The following GALNT13 variants were observed in gnomAD, a reference collection of about 807,000 sequenced individuals.
The protein encoded by GALNT13 is UDP-GalNAc:polypeptide N-acetylgalactosaminyltransferase 13.
GALNT13 carries 28 observed loss-of-function variants against 64.2 expected under a neutral mutation model. The observed-to-expected ratio is 0.44, with a 90% confidence interval of 0.32 to 0.60. The LOEUF (loss-of-function observed/expected upper bound fraction) is 0.60, where lower values mean the gene tolerates loss of function less well. Among genes scored for constraint, GALNT13 ranks in the 20% least tolerant of loss-of-function variants. The pLI is 0.05. For synonymous variants in GALNT13, 214 were observed against 224.6 expected (o/e 0.95, Z 0.42); for missense variants, 577 against 669.8 (o/e 0.86, Z 1.53).
At chr2:153,874,011 ATTACACGCATCCTTTCCT>A (rs1558827736) in intron 1 of GALNT13, among the ~76,000 whole-genome samples, 1 of 151,362 alleles carries the variant, frequency 6.6e-6, no homozygotes, top group Non-Finnish European at 1.5e-5. Context: ...TTCTCCTTGT[ATTACACGCATCCTTTCCT>A]TTTCCTCAAA....
intron 2 of GALNT13, among the ~76,000 whole-genome samples, chr2:153,910,923 A>G (rs1379247461): frequency 6.6e-6 from 1 of 152,188 alleles, no homozygotes; most frequent in African/African-American, 2.4e-5. Flanking sequence ...AGAGTCCTAT[A>G]GGTATCTATC....
chr2:153,136,652 G>A, the GALNT13 span, among the ~76,000 whole-genome samples: 1 of 151,934 alleles, frequency 6.6e-6, no homozygotes, highest in Non-Finnish European at 1.5e-5. Flanking sequence ...TAACATCAGA[G>A]TTATTTAACA....
the GALNT13 span, among the ~76,000 whole-genome samples, chr2:153,727,729 C>T: frequency 1.3e-5 from 2 of 148,526 alleles, no homozygotes; most frequent in Non-Finnish European, 3.0e-5. Context: ...CACTTTTTTT[C>T]TTTTTTTTTT....
intron 8 of GALNT13, among the ~76,000 whole-genome samples, chr2:154,289,547 T>G (rs1559070061): frequency 6.6e-6 from 1 of 151,480 alleles, no homozygotes; most frequent in African/African-American, 2.4e-5. Flanking sequence ...CTCATGAGAC[T>G]TACTCACTTT....
At chr2:153,424,199 T>C in the GALNT13 span, among the ~76,000 whole-genome samples, 3 of 150,910 alleles carry the variant, frequency 2.0e-5, no homozygotes, top group African/African-American at 7.3e-5. Flanking sequence ...AGATCAAATA[T>C]ATCCTTACTT....
the GALNT13 span, among the ~76,000 whole-genome samples, chr2:153,288,430 A>G: frequency 2.7e-4 from 41 of 152,378 alleles, no homozygotes; most frequent in African/African-American, 8.9e-4. Context: ...GGAAATAAAC[A>G]ATTTATAAGT....
chr2:154,022,725 T>C (rs1411062878), intron 3 of GALNT13, among the ~76,000 whole-genome samples: 1 of 152,230 alleles, frequency 6.6e-6, no homozygotes, highest in Admixed American at 6.5e-5. Context: ...AGTTATTTCT[T>C]GCCTTCTCCT....
the GALNT13 span, among the ~76,000 whole-genome samples, chr2:153,620,115 T>G: frequency 6.6e-6 from 1 of 152,026 alleles, no homozygotes; most frequent in South Asian, 2.1e-4. Flanking sequence ...TTTTTTAATA[T>G]TCTGTAGGCA....
the GALNT13 span, among the ~76,000 whole-genome samples, chr2:153,559,182 A>G: frequency 6.6e-6 from 1 of 152,182 alleles, no homozygotes; most frequent in South Asian, 2.1e-4. Context: ...AAAATTAACA[A>G]TGATTACCTA....
At chr2:153,109,789 G>A in the GALNT13 span, among the ~76,000 whole-genome samples, 1 of 152,118 alleles carries the variant, frequency 6.6e-6, no homozygotes, top group Non-Finnish European at 1.5e-5. Context: ...TAAAGGTTCA[G>A]TGGTGATGTG....
chr2:154,394,032 T>TGC (rs1362299737), intron 9 of GALNT13, among the ~76,000 whole-genome samples: 31 of 114,260 alleles, frequency 2.7e-4, no homozygotes, highest in Non-Finnish European at 3.8e-4. Flanking sequence ...GAGCCGAGAT[T>TGC]GCGCCACTGC....
intron 9 of GALNT13, among the ~76,000 whole-genome samples, chr2:154,314,769 G>A (rs1694238581): frequency 6.6e-6 from 1 of 152,118 alleles, no homozygotes; most frequent in Non-Finnish European, 1.5e-5. Flanking sequence ...CCATTCATGA[G>A]GGACATACCT....
At chr2:153,142,706 T>C in the GALNT13 span, among the ~76,000 whole-genome samples, 87,161 of 151,728 alleles carry the variant, frequency 0.57, 25,692 homozygotes, top group Admixed American at 0.68. Context: ...TGTGGTGTTA[T>C]GTATGGAAAT....
At chr2:153,329,594 C>G in the GALNT13 span, among the ~76,000 whole-genome samples, 1 of 152,132 alleles carries the variant, frequency 6.6e-6, no homozygotes, top group Non-Finnish European at 1.5e-5. Context: ...AATGTCTGTT[C>G]ATGTCTTTTG....
chr2:153,595,138 G>A, the GALNT13 span, among the ~76,000 whole-genome samples: 7 of 151,720 alleles, frequency 4.6e-5, no homozygotes, highest in Admixed American at 3.9e-4. Context: ...TACTTTTTTT[G>A]TAGTATTTAA....
chr2:154,065,673 A>C (rs1010855705), intron 3 of GALNT13, among the ~76,000 whole-genome samples: 26 of 152,210 alleles, frequency 1.7e-4, no homozygotes, highest in Non-Finnish European at 2.5e-4. Context: ...GGGTCCCCCT[A>C]ATGCAGATAT....
At chr2:154,235,434 C>CT (rs1341007216) in intron 4 of GALNT13, among the ~76,000 whole-genome samples, 2 of 152,098 alleles carry the variant, frequency 1.3e-5, no homozygotes, top group African/African-American at 4.8e-5. Context: ...GAAACAATCA[C>CT]TTTTTGGTTG....
chr2:153,991,161 G>T (rs1695132738), intron 3 of GALNT13, among the ~76,000 whole-genome samples: 2 of 152,292 alleles, frequency 1.3e-5, no homozygotes, highest in East Asian at 1.9e-4. Context: ...AGAAATTGAA[G>T]CCTAACTGGG....
chr2:154,196,768 A>G (rs1482971777), intron 4 of GALNT13, among the ~76,000 whole-genome samples: 1 of 152,230 alleles, frequency 6.6e-6, no homozygotes, highest in Non-Finnish European at 1.5e-5. Context: ...CACAATCAAA[A>G]GCTCTTTGGT....
Sources: allele counts gnomAD v4.1 joint callset (sites outside exome capture counted in the v4.1 genomes callset), GRCh38; gene constraint gnomAD v4.1.1; transcripts MANE v1.5; gene names NCBI Gene and HGNC (gene_info 2026-07-23, HGNC 2026-07-21).